Variants in TBC1D5 observed in about 807,000 individuals in gnomAD.
The protein encoded by TBC1D5 is TBC1 domain family member 5.
TBC1D5 carries 75 observed loss-of-function variants against 100.3 expected under a neutral mutation model. That is an observed-to-expected ratio of 0.75 (90% CI 0.62 to 0.91). The LOEUF is 0.91. Among genes scored for constraint, TBC1D5 ranks in the 40% least tolerant of loss-of-function variants. TBC1D5 has a pLI of 0.00. For missense variants in TBC1D5, 910 were observed against 942.4 expected (o/e 0.97, Z 0.45); for synonymous variants, 323 against 325.6 (o/e 0.99, Z 0.09).
chr3:17,669,860 C>A (rs7632240), intron 1 of TBC1D5, among the ~76,000 whole-genome samples: 86,791 of 151,998 alleles, frequency 0.57, 25,607 homozygotes, highest in East Asian at 0.99. Context: ...TATCTTTAAC[C>A]GTCCTCTCGA....
At chr3:17,611,213 T>C (rs1219124705) in intron 2 of TBC1D5, among the ~76,000 whole-genome samples, 2 of 152,132 alleles carry the variant, frequency 1.3e-5, no homozygotes, top group Non-Finnish European at 2.9e-5. Flanking sequence ...AGAACTTATA[T>C]TGTAAAGTGA....
intron 2 of TBC1D5, among the ~76,000 whole-genome samples, chr3:17,533,889 C>CAGAT (rs575715302): frequency 3.0e-3 from 456 of 151,940 alleles, no homozygotes; most frequent in Non-Finnish European, 4.3e-3. Context: ...ACCTATCATT[C>CAGAT]AGATAGATAG....
intron 2 of TBC1D5, among the ~76,000 whole-genome samples, chr3:17,560,994 C>T (rs1576711048): frequency 6.6e-6 from 1 of 151,814 alleles, no homozygotes; most frequent in East Asian, 1.9e-4. Flanking sequence ...GAGACGCACA[C>T]CTAAGTCACA....
At chr3:17,374,441 T>C (rs1215035153) in intron 12 of TBC1D5, 30 bp downstream of exon 12, 15 of 1,593,938 alleles carry the variant, frequency 9.4e-6, no homozygotes, top group Middle Eastern at 1.7e-4. Flanking sequence ...CCATAGCATA[T>C]ACTGAAAAGA....
In TBC1D5 at chr3:17,221,301, A is replaced by AT. The variant is rs1292668302; in HGVS notation, c.1589-6932dup. ...TTTTTTTTTTAATTTTATTATTATT[A>AT]TATTTTAAGTTTTAGGGTACATGTG... On this transcript the variant is annotated intron_variant, in intron 17 of 21. Coordinates refer to ENST00000253692, the Ensembl canonical transcript of TBC1D5. Among the ~76,000 whole-genome samples the AT allele has an allele frequency of 2.0e-5, 3 of 151,846 alleles. No individual in the cohort carries two copies. In the East Asian group the frequency reaches 5.8e-4, roughly 29 times the overall value.
intron 1 of TBC1D5, among the ~76,000 whole-genome samples, chr3:17,689,486 C>A (rs2070776934): frequency 6.7e-6 from 1 of 149,384 alleles, no homozygotes; most frequent in African/African-American, 2.5e-5. Context: ...CTGCAGTGGG[C>A]CCTGCCTGGG....
chr3:17,352,356 T>A (rs1436707307), intron 13 of TBC1D5, among the ~76,000 whole-genome samples: 1 of 152,068 alleles, frequency 6.6e-6, no homozygotes, highest in South Asian at 2.1e-4. Context: ...ATATGTCAAA[T>A]GTTTTACTTT....
At chr3:17,374,745 CTT>C in intron 10 of TBC1D5, 66 bp from the exon 11 acceptor site, 1 of 1,533,852 alleles carries the variant, frequency 6.5e-7, no homozygotes, top group Non-Finnish European at 8.9e-7. Flanking sequence ...CAGAGTTTGC[CTT>C]ATTCTATATA....
At chr3:17,378,777 T>A (rs544632251) in intron 9 of TBC1D5, among the ~76,000 whole-genome samples, 224 of 151,776 alleles carry the variant, frequency 1.5e-3, no homozygotes, top group African/African-American at 5.3e-3. Context: ...CTTTTTTTTT[T>A]TTCAGTTAAT....
At chr3:17,231,621 C>T (rs2148894879) in intron 17 of TBC1D5, among the ~76,000 whole-genome samples, 1 of 152,196 alleles carries the variant, frequency 6.6e-6, no homozygotes, top group East Asian at 1.9e-4. Flanking sequence ...TTCCTTGACA[C>T]TGATTATATT....
chr3:17,210,771 CTTTCT>C (rs1202231858), intron 18 of TBC1D5, among the ~76,000 whole-genome samples: 1 of 151,816 alleles, frequency 6.6e-6, no homozygotes, highest in East Asian at 1.9e-4. Context: ...TTCATATTTG[CTTTCT>C]TTTATTTTCT....
At position 17,656,878 on chromosome 3, in the gene TBC1D5, A is replaced by G. The variant is rs533818288; in HGVS notation, c.-100-32965T>C. Among the ~76,000 whole-genome samples, 9 of 152,270 alleles carry G rather than the reference A, an allele frequency of 5.9e-5. No individual in the cohort carries two copies. In the South Asian group the frequency reaches 1.9e-3, roughly 32 times the overall value. On this transcript the variant is annotated intron_variant, in intron 1 of 21. Coordinates refer to ENST00000253692, the Ensembl canonical transcript of TBC1D5. ...TTCGAATGGAATAGTTCAAGCACCT[A>G]GGCCCACACTGCTGATGGAATGAGG...
chr3:17,471,721 G>T (rs2150136324), intron 3 of TBC1D5, among the ~76,000 whole-genome samples: 1 of 148,498 alleles, frequency 6.7e-6, no homozygotes, highest in East Asian at 2.0e-4. Flanking sequence ...TTGATATCCA[G>T]TACATGTACA....
Position 17,303,833 on chromosome 3 carries a change from C to CTTTTTTTTT in TBC1D5, c.1138+4150_1138+4158dup, listed in dbSNP as rs140988557. Among the ~76,000 whole-genome samples the CTTTTTTTTT allele has an allele frequency of 2.7e-4, 23 of 84,520 alleles. 2 individuals carry two copies. Among genetic ancestry groups the CTTTTTTTTT allele is most frequent in the African/African-American group, 9.9e-4 (20 of 20,260 alleles). The allele number at this position is 84,520 out of a possible 152,430, so 55.4% of individuals were successfully genotyped here. On this transcript the variant is annotated intron_variant, in intron 14 of 21. Coordinates refer to ENST00000253692, the Ensembl canonical transcript of TBC1D5. The stretch of plus-strand genomic sequence containing the variant: ...TGGAAGCCTGGATCACAATCTACCT[C>CTTTTTTTTT]TTTTTTTTTTTTTTTTTTTTTTTTT...
chr3:17,262,548 C>G (rs889613998), intron 15 of TBC1D5, among the ~76,000 whole-genome samples: 4 of 143,740 alleles, frequency 2.8e-5, no homozygotes, highest in Non-Finnish European at 4.5e-5. Flanking sequence ...GTGGCGCGAT[C>G]TCGGCTCACT....
intron 1 of TBC1D5, among the ~76,000 whole-genome samples, chr3:17,734,252 T>C (rs2076789899): frequency 6.6e-6 from 1 of 152,182 alleles, no homozygotes; most frequent in East Asian, 1.9e-4. Flanking sequence ...ATGTTTTATA[T>C]ACCTACATAT....
At chr3:17,258,714 A>G in intron 15 of TBC1D5, 123 bp from the exon 16 acceptor site, 1 of 607,806 alleles carries the variant, frequency 1.6e-6, no homozygotes, top group Non-Finnish European at 2.6e-6. Context: ...AAGTTTAATA[A>G]TTAGTGTGAT....
At chr3:17,240,904 A>C (rs1468027504) in intron 16 of TBC1D5, among the ~76,000 whole-genome samples, 1 of 152,188 alleles carries the variant, frequency 6.6e-6, no homozygotes, top group Non-Finnish European at 1.5e-5. Flanking sequence ...ATGCATCTTC[A>C]TTACTACTAA....
intron 2 of TBC1D5, among the ~76,000 whole-genome samples, chr3:17,586,008 CAA>C (rs2096730539): frequency 6.6e-6 from 1 of 151,950 alleles, no homozygotes; most frequent in African/African-American, 2.4e-5. Flanking sequence ...CCTATGGATA[CAA>C]AAAGATTCCC....
Sources: gnomAD v4.1 joint callset for allele counts (sites outside exome capture counted in the v4.1 genomes callset) on GRCh38, gnomAD v4.1.1 for gene constraint, MANE v1.5 for transcripts, NCBI Gene and HGNC (gene_info 2026-07-23, HGNC 2026-07-21) for gene names.